Variants in AAK1 observed in about 807,000 individuals in gnomAD.
The protein encoded by AAK1 is AP2-associated protein kinase 1.
AAK1 carries 37 observed loss-of-function variants against 116.0 expected under a neutral mutation model. The observed-to-expected ratio is 0.32, with a 90% CI of 0.25 to 0.42. The LOEUF is 0.42. AAK1 is among the 10% of genes least tolerant of loss of function. The pLI, the probability that AAK1 is intolerant of heterozygous loss-of-function variation, is 1.00. For synonymous variants in AAK1, 458 were observed against 439.9 expected, an observed-to-expected ratio of 1.04 and a Z score of -0.51; for missense variants, 919 against 1,170.6, an observed-to-expected ratio of 0.79 and a Z score of 3.14.
intron 5 of AAK1, among the ~76,000 whole-genome samples, chr2:69,539,705 C>T (rs914755086): frequency 6.6e-6 from 1 of 152,224 alleles, no homozygotes; most frequent in Non-Finnish European, 1.5e-5. Context: ...CACTGGAGCT[C>T]TGACCCACCT....
chr2:69,564,763 C>T lies in AAK1; in HGVS notation c.164-7785G>A, dbSNP rs60732532. On this transcript the variant is annotated intron_variant, in intron 2 of 21. Transcript: ENST00000409085. The stretch of plus-strand genomic sequence containing the variant: ...GCCCTTCTTCTGACATGCAGGCTAT[C>T]TGACCACGTGATTGTATCAACCAGC... Among the ~76,000 whole-genome samples the T allele has an allele frequency of 1.4e-3, 218 of 152,304 alleles. 6 individuals are homozygous for T. In the East Asian group the frequency reaches 0.034, roughly 23 times the overall value.
At chr2:69,554,961 A>C (rs1319722008) in intron 3 of AAK1, among the ~76,000 whole-genome samples, 2 of 152,230 alleles carry the variant, frequency 1.3e-5, no homozygotes, top group Non-Finnish European at 2.9e-5. Flanking sequence ...TTCCTCCACT[A>C]CAATGCCTGC....
chr2:69,540,693 AG>A (rs896609335), intron 5 of AAK1, among the ~76,000 whole-genome samples: 2 of 152,244 alleles, frequency 1.3e-5, no homozygotes. Context: ...AACAGTTTGA[AG>A]GGTCCTCAAA....
intron 17 of AAK1, among the ~76,000 whole-genome samples, chr2:69,488,149 CGTGTGTGTGTGT>C (rs58575925): frequency 2.1e-5 from 3 of 144,542 alleles, no homozygotes; most frequent in Non-Finnish European, 3.0e-5. Flanking sequence ...TGTGTGTGGA[CGTGTGTGTGTGT>C]GTGTGTGTGT....
intron 2 of AAK1, among the ~76,000 whole-genome samples, chr2:69,622,569 ACT>A (rs1674698619): frequency 1.3e-5 from 2 of 152,148 alleles, no homozygotes; most frequent in African/African-American, 4.8e-5. Context: ...ACCAATCGAC[ACT>A]CTGTATCTAG....
chr2:69,490,139 G>C (rs568773299), intron 17 of AAK1, among the ~76,000 whole-genome samples: 10 of 152,166 alleles, frequency 6.6e-5, no homozygotes, highest in Admixed American at 3.9e-4. Flanking sequence ...TTCTTGCTTA[G>C]TCTGTGGAAC....
chr2:69,617,195 G>C (rs1330589903), intron 2 of AAK1, among the ~76,000 whole-genome samples: 9 of 152,132 alleles, frequency 5.9e-5, no homozygotes, highest in Non-Finnish European at 1.3e-4. Context: ...CCCAAACAGG[G>C]TAACAGGTGA....
intron 8 of AAK1, among the ~76,000 whole-genome samples, chr2:69,528,329 A>G (rs997351588): frequency 5.3e-5 from 8 of 152,174 alleles, no homozygotes; most frequent in African/African-American, 1.9e-4. Flanking sequence ...AATCAGGGAC[A>G]TGAGAGGTGG....
At chr2:69,598,823 CT>C in intron 2 of AAK1, 1 of 214,552 alleles carries the variant, frequency 4.7e-6, no homozygotes, top group Non-Finnish European at 9.3e-6. Context: ...TGTCCCACCC[CT>C]TTTCTTTTTA....
At chr2:69,553,042 C>G (rs1671242962) in intron 3 of AAK1, among the ~76,000 whole-genome samples, 1 of 151,906 alleles carries the variant, frequency 6.6e-6, no homozygotes, top group Non-Finnish European at 1.5e-5. Flanking sequence ...AAAATCAATT[C>G]AGGAGAACCA....
chr2:69,568,576 G>C (rs933049206), intron 2 of AAK1, among the ~76,000 whole-genome samples: 1 of 151,934 alleles, frequency 6.6e-6, no homozygotes, highest in Non-Finnish European at 1.5e-5. Flanking sequence ...GACTAGAGGT[G>C]CATGCCACCA....
rs76566351 is a variant in AAK1, at chr2:69,577,362, T to G, written c.164-20384A>C. Reference sequence around the variant, plus strand: ...AAATGAGACACCGCAAGGTAAGAAATTCACCTGACTTTCCACTGTCTGATC... The same window carrying G: ...AAATGAGACACCGCAAGGTAAGAAAGTCACCTGACTTTCCACTGTCTGATC... On this transcript the variant is annotated intron_variant, in intron 2 of 21. Transcript: ENST00000409085. Among the ~76,000 whole-genome samples, 1,400 of 152,296 alleles carry G rather than the reference T, an allele frequency of 9.2e-3. 15 individuals are homozygous for G. The highest frequency in any genetic ancestry group is 0.047 in the East Asian group (241 of 5,174).
At chr2:69,634,068 G>C (rs1675340862) in intron 2 of AAK1, among the ~76,000 whole-genome samples, 1 of 152,032 alleles carries the variant, frequency 6.6e-6, no homozygotes. Flanking sequence ...TACTCGAGAG[G>C]CTGAGGCAGG....
intron 2 of AAK1, among the ~76,000 whole-genome samples, chr2:69,607,046 CAAA>C (rs61156108): frequency 1.4e-3 from 99 of 68,854 alleles, no homozygotes; most frequent in African/African-American, 3.8e-3. Flanking sequence ...AGTCTTGCCT[CAAA>C]AAAAAAAAAA....
chr2:69,612,004 G>A (rs1172433973), intron 2 of AAK1, among the ~76,000 whole-genome samples: 3 of 152,198 alleles, frequency 2.0e-5, no homozygotes, highest in African/African-American at 4.8e-5. Flanking sequence ...GGGAGAAAGG[G>A]AATAGGGAGT....
At chr2:69,529,606 C>A (rs3771545) in intron 8 of AAK1, among the ~76,000 whole-genome samples, 1 of 152,098 alleles carries the variant, frequency 6.6e-6, no homozygotes, top group Non-Finnish European at 1.5e-5. Context: ...TCTTAATTAT[C>A]TATTCACTCC....
chr2:69,490,053 T>C (rs10185225), intron 17 of AAK1, among the ~76,000 whole-genome samples: 1 of 152,098 alleles, frequency 6.6e-6, no homozygotes, highest in Non-Finnish European at 1.5e-5. Context: ...AGATGATGAA[T>C]TGCCATAAAC....
At chr2:69,484,710 AC>A (rs950590168) in intron 17 of AAK1, among the ~76,000 whole-genome samples, 3 of 152,000 alleles carry the variant, frequency 2.0e-5, no homozygotes, top group Non-Finnish European at 4.4e-5. Context: ...CCCCGCCTCT[AC>A]TAAAAATACA....
intron 2 of AAK1, among the ~76,000 whole-genome samples, chr2:69,589,671 T>C: frequency 6.9e-6 from 1 of 145,326 alleles, no homozygotes. Flanking sequence ...ATCGCGCCAT[T>C]GTACTCCAGC....
Sources: gnomAD v4.1 joint callset for allele counts (sites outside exome capture counted in the v4.1 genomes callset) on GRCh38, gnomAD v4.1.1 for gene constraint, MANE v1.5 for transcripts, NCBI Gene and HGNC (gene_info 2026-07-23, HGNC 2026-07-21) for gene names.